Variants in MCF2L2 observed in about 807,000 individuals in gnomAD.
MCF2L2 encodes the protein probable guanine nucleotide exchange factor MCF2L2.
A neutral mutation model predicts 150.2 loss-of-function variants in MCF2L2; 102 were observed. The ratio of observed to expected loss-of-function variants is 0.68; its 90% CI spans 0.58 to 0.80. The LOEUF (loss-of-function observed/expected upper bound fraction) is 0.80. MCF2L2 is among the 30% of genes least tolerant of loss of function. The pLI, the probability that MCF2L2 is intolerant of heterozygous loss-of-function variation, is 0.00. For synonymous variants in MCF2L2, 465 were observed against 491.3 expected (o/e 0.95, Z 0.71); for missense variants, 1,256 against 1,372.8 (o/e 0.91, Z 1.34).
At chr3:183,370,161 A>G (rs953051014) in intron 3 of MCF2L2, among the ~76,000 whole-genome samples, 5 of 152,270 alleles carry the variant, frequency 3.3e-5, no homozygotes, top group Non-Finnish European at 7.3e-5. Context: ...CCAAGCTACA[A>G]GTTAAATCCT....
chr3:183,238,440 G>A (rs1411027094), intron 15 of MCF2L2, among the ~76,000 whole-genome samples: 9 of 151,688 alleles, frequency 5.9e-5, no homozygotes, highest in Non-Finnish European at 1.0e-4. Flanking sequence ...GACTGCAGGC[G>A]TGCGCCACCA....
rs922842605 is a variant in MCF2L2 at position 183,292,566 on chromosome 3, C to T, written c.1675+2734G>A. On this transcript the variant is annotated intron_variant, in intron 13 of 29. Transcript: ENST00000328913. ...GAATAAGGGGGTATGTACACACACA[C>T]ACACACACACACACACACACACATG... Among the ~76,000 whole-genome samples, 451 of 151,732 alleles carry T rather than the reference C, an allele frequency of 3.0e-3. 4 individuals carry two copies. Among genetic ancestry groups the T allele is most frequent in the African/African-American group, 1.0e-2 (412 of 41,294 alleles).
chr3:183,265,349 G>C (rs147046727), intron 15 of MCF2L2: 1 of 152,318 alleles, frequency 6.6e-6, no homozygotes, highest in African/African-American at 2.4e-5. Context: ...TGCGCATTCG[G>C]CATTGGGCTT....
intron 3 of MCF2L2, chr3:183,372,323 T>A (rs1712937029): frequency 6.6e-6 from 1 of 152,184 alleles, no homozygotes; most frequent in South Asian, 2.1e-4. Context: ...CCTAGAGTAC[T>A]AATATCAGAC....
chr3:183,401,405 T>C (rs1446759872), intron 1 of MCF2L2, among the ~76,000 whole-genome samples: 1 of 152,174 alleles, frequency 6.6e-6, no homozygotes, highest in Non-Finnish European at 1.5e-5. Context: ...AACAAGAAAC[T>C]GGAAGACTTT....
chr3:183,368,326 A>G (rs1712660623), intron 3 of MCF2L2, among the ~76,000 whole-genome samples: 1 of 152,172 alleles, frequency 6.6e-6, no homozygotes, highest in African/African-American at 2.4e-5. Flanking sequence ...CCAACAAACT[A>G]CCATCCATCT....
chr3:183,384,724 C>T (rs144569070), intron 2 of MCF2L2, among the ~76,000 whole-genome samples: 74 of 152,268 alleles, frequency 4.9e-4, no homozygotes, highest in African/African-American at 1.5e-3. Context: ...CCCACACAAC[C>T]GGCTCTGCAT....
Position 183,230,940 on chromosome 3 carries a change from A to G in MCF2L2, c.1929+11T>C. The G allele has an allele frequency of 6.2e-7, 1 of 1,606,772 alleles. No individual in the cohort carries two copies. Among genetic ancestry groups the G allele is most frequent in the Non-Finnish European group, 8.5e-7 (1 of 1,173,450 alleles). Reference sequence around the variant, plus strand: ...TATATGCTTGATACCCCACTCCCCAAATCTACTTACATCAATTATGCTTTT... The same window carrying G: ...TATATGCTTGATACCCCACTCCCCAGATCTACTTACATCAATTATGCTTTT... On this transcript the variant is annotated intron_variant, in intron 16 of 29. Transcript: ENST00000328913.
At chr3:183,389,575 G>A (rs376699806) in intron 2 of MCF2L2, 121 bp downstream of exon 2, 27 of 792,262 alleles carry the variant, frequency 3.4e-5, no homozygotes, top group African/African-American at 6.8e-5. Context: ...TTCTAGTCCC[G>A]GGTGAAGCCT....
rs1246358455 is a variant in MCF2L2 at position 183,267,450 on chromosome 3, T to G, written c.1862+9422A>C. On this transcript the variant is annotated intron_variant, in intron 15 of 29. Coordinates refer to ENST00000328913, the MANE Select transcript of MCF2L2 (RefSeq NM_015078.4). The surrounding 1 kb of genome is among the most constrained non-coding windows in gnomAD (Gnocchi z 5.5). ...GGATCCGAAAGCTCTGAAGTGGGGA[T>G]GGAGGTGTCACAGCTGAGGCTAGGC... Among the ~76,000 whole-genome samples the G allele has an allele frequency of 6.6e-6, 1 of 152,082 alleles. No individual in the cohort carries two copies. The highest frequency in any genetic ancestry group is 1.5e-5 in the Non-Finnish European group (1 of 68,008).
chr3:183,220,044 G>A (rs1192112324), intron 20 of MCF2L2, 120 bp from the exon 21 acceptor site: 1 of 704,042 alleles, frequency 1.4e-6, no homozygotes, highest in Non-Finnish European at 2.6e-6. Context: ...CTGAGAACGT[G>A]TGTAAATGTG....
chr3:183,202,474 G>T (rs368770001), intron 25 of MCF2L2, among the ~76,000 whole-genome samples: 3 of 152,190 alleles, frequency 2.0e-5, no homozygotes, highest in African/African-American at 7.2e-5. Flanking sequence ...AAGGCCCCAC[G>T]ATCTTACCTC....
chr3:183,192,990 C>A lies in MCF2L2; in HGVS notation c.3016+9G>T. On this transcript the variant is annotated intron_variant, in intron 27 of 29. Coordinates refer to ENST00000328913, the MANE Select transcript of MCF2L2 (RefSeq NM_015078.4). ...TCTGTGCTCCACTCTCCCATGGGAC[C>A]CTCCCTACCTTTAATCCCTCCTGTG... 1 of 1,610,816 alleles carries A rather than the reference C, an allele frequency of 6.2e-7. No homozygotes were observed. Among genetic ancestry groups the A allele is most frequent in the South Asian group, 1.1e-5 (1 of 90,976 alleles).
At position 183,311,729 on chromosome 3, in the gene MCF2L2, G is replaced by A; in HGVS notation, c.797C>T (p.Ser266Leu). 6.2e-7 allele frequency: 1 copy of A among 1,614,022 alleles called. No individual in the cohort carries two copies. The highest frequency in any genetic ancestry group is 1.3e-5 in the African/African-American group (1 of 75,048). The change falls in exon 8 of 30, where the codon TCA becomes TTA. Residue 266 changes from serine to leucine, a missense_variant. Transcript: ENST00000328913. ...LLGKQGTTLL[S>L]CIQEPATKCP... ...TTTGGTTGCTGGTTCTTGGATGCAT[G>A]ACAGCAATGTGGTCCCCTGCTTTCC...
At chr3:183,381,241 G>A (rs543439307) in intron 2 of MCF2L2, among the ~76,000 whole-genome samples, 8 of 152,338 alleles carry the variant, frequency 5.3e-5, no homozygotes, top group Admixed American at 2.0e-4. Flanking sequence ...AGTGTGGGGT[G>A]TGGTTAGTGG....
At chr3:183,398,353 C>T (rs1714571872) in intron 1 of MCF2L2, among the ~76,000 whole-genome samples, 2 of 152,146 alleles carry the variant, frequency 1.3e-5, no homozygotes, top group African/African-American at 4.8e-5. Context: ...TTGCAAATGG[C>T]AGACCCACAA....
intron 15 of MCF2L2, among the ~76,000 whole-genome samples, chr3:183,260,168 G>A (rs1725455489): frequency 6.6e-6 from 1 of 152,048 alleles, no homozygotes; most frequent in African/African-American, 2.4e-5. Flanking sequence ...TGGTTAACTC[G>A]GTATCTCGAT....
intron 15 of MCF2L2, among the ~76,000 whole-genome samples, chr3:183,275,228 A>G (rs1727095022): frequency 6.6e-6 from 1 of 152,206 alleles, no homozygotes; most frequent in Admixed American, 6.5e-5. Flanking sequence ...GAAGGCAACC[A>G]TGCCTTGTAC....
intron 2 of MCF2L2, among the ~76,000 whole-genome samples, chr3:183,386,544 G>T (rs1713843165): frequency 6.6e-6 from 1 of 152,232 alleles, no homozygotes; most frequent in South Asian, 2.1e-4. Flanking sequence ...TGAGGGAAAG[G>T]CTCTATCCTC....
Sources: allele counts gnomAD v4.1 joint callset (sites outside exome capture counted in the v4.1 genomes callset), GRCh38; gene constraint gnomAD v4.1.1; non-coding constraint Gnocchi (gnomAD v3.1); transcripts MANE v1.5; gene names NCBI Gene and HGNC (gene_info 2026-07-23, HGNC 2026-07-21).